The following TMEM185A variants were observed in gnomAD, a reference collection of about 807,000 sequenced individuals.
TMEM185A encodes family with sequence similarity 11, member A.
TMEM185A carries 9 observed loss-of-function variants against 25.0 expected under a neutral mutation model. That is an observed-to-expected ratio of 0.36 (90% confidence interval 0.22 to 0.63). The LOEUF (loss-of-function observed/expected upper bound fraction) is 0.63. Among genes scored for constraint, TMEM185A ranks in the 20% least tolerant of loss-of-function variants. The pLI is 0.68. For missense variants in TMEM185A, 103 were observed against 237.4 expected, an observed-to-expected ratio of 0.43 and a Z score of 3.72; for synonymous variants, 45 against 93.5, an observed-to-expected ratio of 0.48 and a Z score of 2.99.
intron 1 of TMEM185A, among the ~76,000 whole-genome samples, chrX:149,612,867 C>T (rs2090091265): frequency 1.8e-5 from 2 of 111,992 alleles, no homozygotes; most frequent in South Asian, 7.5e-4. Flanking sequence ...GTAGGGGCCT[C>T]TCCTGGGTCC....
At chrX:149,603,954 GAAC>G (rs782060497) in intron 4 of TMEM185A, 30 bp downstream of exon 4, 9 of 1,126,333 alleles carry the variant, frequency 8.0e-6, no homozygotes, top group Non-Finnish European at 1.1e-5. Flanking sequence ...TAATAAAAAA[GAAC>G]TTTATTTAAG....
chrX:149,602,462 A>G (rs782476364), intron 4 of TMEM185A, among the ~76,000 whole-genome samples: 1 of 112,435 alleles, frequency 8.9e-6, no homozygotes, highest in African/African-American at 3.2e-5. Flanking sequence ...TGCAGAGTCT[A>G]TGCACAGCCT....
chrX:149,626,569 C>T (rs1222789255), intron 1 of TMEM185A, among the ~76,000 whole-genome samples: 2 of 111,698 alleles, frequency 1.8e-5, no homozygotes, highest in African/African-American at 6.5e-5. Context: ...TCAGGTGGGA[C>T]GAGACTGAGA....
intron 1 of TMEM185A, among the ~76,000 whole-genome samples, chrX:149,617,523 A>C (rs1421491555): frequency 8.9e-6 from 1 of 111,892 alleles, no homozygotes; most frequent in Non-Finnish European, 1.9e-5. Flanking sequence ...ATGCAAACTA[A>C]AACGACAATG....
rs782424072 is a variant in TMEM185A at position 149,618,564 on chromosome X, T to G, written c.39-7101A>C. ...AGCACTAAATCAGTGGCTCTCAAAG[T>G]TTTTAGTATCAAAAATTTTGACGTT... On this transcript the variant is annotated intron_variant, in intron 1 of 6. Coordinates refer to ENST00000600449, the MANE Select transcript of TMEM185A (RefSeq NM_032508.4). Among the ~76,000 whole-genome samples, 9 of 111,442 alleles carry G rather than the reference T, an allele frequency of 8.1e-5. No individual in the cohort carries two copies. In the East Asian group the frequency reaches 2.5e-3, roughly 31 times the overall value.
intron 1 of TMEM185A, among the ~76,000 whole-genome samples, chrX:149,627,004 T>A (rs1222454358): frequency 8.9e-6 from 1 of 111,906 alleles, no homozygotes; most frequent in Non-Finnish European, 1.9e-5. Context: ...TTCCCAGGGA[T>A]GAGCAGGAGA....
chrX:149,608,786 C>G lies in TMEM185A; in HGVS notation c.264G>C (p.Val88=). ...CVEFKAMLIA[V]GIHLLLLMFE... ...ACATCAACAAGAGCAAGTGGATGCC[C>G]ACTGCAATCAACATGGCTTTAAACT... The change falls in exon 3 of 7, where the codon GTG becomes GTC. Residue 88 remains valine, a synonymous_variant. Transcript: ENST00000600449. 8.3e-7 allele frequency: 1 copy of G among 1,211,597 alleles called. No homozygotes were observed. Among genetic ancestry groups the G allele is most frequent in the East Asian group, 3.0e-5 (1 of 33,840 alleles).
intron 1 of TMEM185A, among the ~76,000 whole-genome samples, chrX:149,613,721 T>C (rs2090096441): frequency 8.9e-6 from 1 of 112,260 alleles, no homozygotes; most frequent in Non-Finnish European, 1.9e-5. Flanking sequence ...AAGTCCCCTT[T>C]GCCATGTAAA....
At chrX:149,613,669 T>A (rs1162598697) in intron 1 of TMEM185A, among the ~76,000 whole-genome samples, 1 of 112,362 alleles carries the variant, frequency 8.9e-6, no homozygotes, top group African/African-American at 3.2e-5. Context: ...GAGTAATTTG[T>A]CATGGTAACA....
chrX:149,610,881 C>T (rs2090079710), intron 2 of TMEM185A, among the ~76,000 whole-genome samples: 1 of 112,228 alleles, frequency 8.9e-6, no homozygotes, highest in Admixed American at 9.4e-5. Flanking sequence ...TCCTAAAGCT[C>T]TGGGACTAGG....
chrX:149,614,103 C>T (rs1427214978), intron 1 of TMEM185A, among the ~76,000 whole-genome samples: 1 of 111,330 alleles, frequency 9.0e-6, no homozygotes, highest in Admixed American at 9.5e-5. Context: ...TAATGAGTTC[C>T]TCCCAACAAA....
rs2090065340 is a variant in TMEM185A at position 149,608,647 on chromosome X, G to A, written c.403C>T (p.Arg135Ter). The A allele has an allele frequency of 2.5e-6, 3 of 1,211,272 alleles. No individual in the cohort carries two copies. Among genetic ancestry groups the A allele is most frequent in the Non-Finnish European group, 3.4e-6 (3 of 895,349 alleles). Residue 135 changes from arginine to a stop codon, truncating the protein, a stop_gained, in exon 3 of 7, where the codon CGA (arginine) becomes TGA (stop). Transcript: ENST00000600449. LOFTEE classifies it high-confidence loss of function. ...CTCACCTCTAGTGACCTGTCATGTC[G>A]AAAGCCCCAAACGCAAGCTGCAACA... is the stretch of plus-strand genomic sequence containing the variant. ...VSVAACVWGF[R>*]HDRSLELEIL... is the part of the protein sequence containing the mutation.
At chrX:149,606,217 G>A (rs1413881663) in intron 3 of TMEM185A, among the ~76,000 whole-genome samples, 11 of 112,297 alleles carry the variant, frequency 9.8e-5, no homozygotes, top group South Asian at 3.7e-4. Context: ...TTCTTCACCC[G>A]GATTTTCACA....
chrX:149,625,090 A>G (rs1557355901), intron 1 of TMEM185A, among the ~76,000 whole-genome samples: 2 of 112,512 alleles, frequency 1.8e-5, no homozygotes, highest in African/African-American at 6.5e-5. Context: ...ATGAGTCTCC[A>G]CTTATAAAGC....
chrX:149,605,551 A>AGCCTCCCATGTCACTTTCTATG (rs2090046530), intron 3 of TMEM185A, among the ~76,000 whole-genome samples: 15 of 85,126 alleles, frequency 1.8e-4, no homozygotes, highest in African/African-American at 3.6e-4. Context: ...CACTTTCTAT[A>AGCCTCCCATGTCACTTTCTATG]GCCTCCCATG....
chrX:149,628,829 C>G (rs912604417), intron 1 of TMEM185A, among the ~76,000 whole-genome samples: 8 of 112,214 alleles, frequency 7.1e-5, no homozygotes, highest in Non-Finnish European at 1.3e-4. Context: ...AGAAAGAGAA[C>G]CAGGCCACAG....
At chrX:149,605,418 T>TCTATGGCCTCCCATGTCA (rs1444739728) in intron 3 of TMEM185A, among the ~76,000 whole-genome samples, 1 of 99,147 alleles carries the variant, frequency 1.0e-5, no homozygotes. Context: ...CATGTCACTT[T>TCTATGGCCTCCCATGTCA]CTATGGCCTC....
chrX:149,624,436 T>C (rs1351725919), intron 1 of TMEM185A, among the ~76,000 whole-genome samples: 2 of 112,388 alleles, frequency 1.8e-5, no homozygotes, highest in Non-Finnish European at 3.8e-5. Flanking sequence ...AGTATCTGTT[T>C]TCTGCATATC....
chrX:149,627,419 T>C (rs2090169469), intron 1 of TMEM185A, among the ~76,000 whole-genome samples: 1 of 112,176 alleles, frequency 8.9e-6, no homozygotes. Flanking sequence ...CAGAAACAAT[T>C]TTTCTTAGTA....
Sources: allele counts gnomAD v4.1 joint callset (sites outside exome capture counted in the v4.1 genomes callset), GRCh38; gene constraint gnomAD v4.1.1; transcripts MANE v1.5; gene names NCBI Gene and HGNC (gene_info 2026-07-23, HGNC 2026-07-21).